The following ADGRL3 variants were observed in gnomAD, a reference collection of about 807,000 sequenced individuals.
The protein encoded by ADGRL3 is calcium-independent alpha-latrotoxin receptor 3.
ADGRL3 carries 62 observed loss-of-function variants against 153.5 expected under a neutral mutation model. The observed-to-expected ratio is 0.40, with a 90% CI of 0.33 to 0.50. ADGRL3 has a LOEUF of 0.50. Ranked by LOEUF, ADGRL3 falls within the 20% of genes least tolerant of loss-of-function variation. The probability of loss-of-function intolerance (pLI) is 0.47; values close to 1 mark genes in which losing one functional copy is unlikely to be tolerated. For missense variants in ADGRL3, 1,641 were observed against 1,859.4 expected, an observed-to-expected ratio of 0.88 and a Z score of 2.16; for synonymous variants, 710 against 672.5, an observed-to-expected ratio of 1.06 and a Z score of -0.86.
chr4:61,594,240 A>G (rs1374102334), intron 5 of ADGRL3, among the ~76,000 whole-genome samples: 1 of 152,144 alleles, frequency 6.6e-6, no homozygotes, highest in Admixed American at 6.6e-5. Flanking sequence ...GTTTCCTCAA[A>G]ACAGCTATTT....
intron 1 of ADGRL3, among the ~76,000 whole-genome samples, chr4:61,229,650 G>T (rs1361397409): frequency 6.6e-6 from 1 of 152,016 alleles, no homozygotes; most frequent in African/African-American, 2.4e-5. Context: ...GGGCATGGTG[G>T]CTTATGACTA....
intron 1 of ADGRL3, among the ~76,000 whole-genome samples, chr4:61,250,600 A>G (rs901631364): frequency 6.6e-6 from 1 of 152,206 alleles, no homozygotes; most frequent in Admixed American, 6.5e-5. Context: ...AGTTATTCAG[A>G]TGTGAACCAC....
chr4:61,639,281 G>A (rs2093562624), intron 5 of ADGRL3, among the ~76,000 whole-genome samples: 1 of 151,960 alleles, frequency 6.6e-6, no homozygotes, highest in Non-Finnish European at 1.5e-5. Flanking sequence ...AGTTTTTGAG[G>A]CCTTTGGTCT....
At chr4:61,290,233 T>G (rs2150134281) in intron 1 of ADGRL3, among the ~76,000 whole-genome samples, 1 of 152,196 alleles carries the variant, frequency 6.6e-6, no homozygotes, top group South Asian at 2.1e-4. Flanking sequence ...CCACAGCTTT[T>G]ATAATCTTTA....
At chr4:61,448,810 GGGAAGGAAGGAA>G (rs1354187900) in intron 2 of ADGRL3, among the ~76,000 whole-genome samples, 2 of 113,914 alleles carry the variant, frequency 1.8e-5, no homozygotes, top group African/African-American at 6.2e-5. Flanking sequence ...GAGGAAGGGA[GGGAAGGAAGGAA>G]GGAAGAAGGG....
At chr4:61,630,807 G>C (rs947532598) in intron 5 of ADGRL3, among the ~76,000 whole-genome samples, 5 of 152,210 alleles carry the variant, frequency 3.3e-5, no homozygotes, top group African/African-American at 1.2e-4. Context: ...GTAGTTCTCA[G>C]ATATGAGGTT....
intron 4 of ADGRL3, among the ~76,000 whole-genome samples, chr4:61,524,772 T>TAA (rs2098550211): frequency 6.6e-6 from 1 of 152,086 alleles, no homozygotes. Context: ...GACTTTCTGT[T>TAA]TTATAATAAT....
At chr4:61,500,462 A>G (rs370859083) in intron 3 of ADGRL3, among the ~76,000 whole-genome samples, 6 of 152,194 alleles carry the variant, frequency 3.9e-5, no homozygotes, top group African/African-American at 1.4e-4. Flanking sequence ...ATATAATAGG[A>G]TAGGAATTTT....
At chr4:61,321,900 G>A (rs2095364164) in intron 1 of ADGRL3, among the ~76,000 whole-genome samples, 2 of 152,110 alleles carry the variant, frequency 1.3e-5, no homozygotes, top group African/African-American at 2.4e-5. Context: ...GAAGGAGGTA[G>A]ATTAAATAGT....
At chr4:61,377,824 T>C (rs1308735996) in intron 1 of ADGRL3, among the ~76,000 whole-genome samples, 1 of 152,016 alleles carries the variant, frequency 6.6e-6, no homozygotes, top group African/African-American at 2.4e-5. Flanking sequence ...TAATGTAGGC[T>C]TTTAAAGCTA....
intron 21 of ADGRL3, among the ~76,000 whole-genome samples, chr4:62,001,959 T>G (rs184058711): frequency 6.6e-6 from 1 of 152,202 alleles, no homozygotes; most frequent in African/African-American, 2.4e-5. Flanking sequence ...AAGTATTTGT[T>G]GCTTTGATTA....
At chr4:61,205,535 T>A (rs1305254228) in intron 1 of ADGRL3, among the ~76,000 whole-genome samples, 2 of 152,238 alleles carry the variant, frequency 1.3e-5, no homozygotes, top group Non-Finnish European at 2.9e-5. Context: ...CCCTAAAGAA[T>A]ACAGCTGTAT....
intron 2 of ADGRL3, among the ~76,000 whole-genome samples, chr4:61,415,739 A>G (rs2097137540): frequency 6.6e-6 from 1 of 152,048 alleles, no homozygotes; most frequent in Non-Finnish European, 1.5e-5. Context: ...CATGAAAGAA[A>G]TGATCTTTAT....
At chr4:61,309,730 C>G (rs543592585) in intron 1 of ADGRL3, among the ~76,000 whole-genome samples, 2 of 152,122 alleles carry the variant, frequency 1.3e-5, no homozygotes, top group South Asian at 4.1e-4. Context: ...CCACTGCCTT[C>G]CACCCAAAAA....
At chr4:61,921,272 A>C (rs968255362) in intron 13 of ADGRL3, among the ~76,000 whole-genome samples, 11 of 152,016 alleles carry the variant, frequency 7.2e-5, no homozygotes, top group Admixed American at 5.9e-4. Flanking sequence ...TCTCCCTCCC[A>C]CTAGAACCTC....
intron 5 of ADGRL3, among the ~76,000 whole-genome samples, chr4:61,644,682 T>G (rs1030977994): frequency 6.6e-6 from 1 of 152,184 alleles, no homozygotes; most frequent in Non-Finnish European, 1.5e-5. Context: ...CTTTTACATT[T>G]GCTGAGAAGA....
intron 2 of ADGRL3, among the ~76,000 whole-genome samples, chr4:61,446,469 C>T (rs2097583658): frequency 6.6e-6 from 1 of 152,138 alleles, no homozygotes. Flanking sequence ...GTTCCAAGCT[C>T]TTGAGGGAGA....
intron 2 of ADGRL3, among the ~76,000 whole-genome samples, chr4:61,438,368 T>C (rs997076940): frequency 6.6e-6 from 1 of 151,252 alleles, no homozygotes; most frequent in African/African-American, 2.4e-5. Context: ...ATTTTTTATT[T>C]AATATTATTA....
At chr4:61,465,094 T>G (rs2097863506) in intron 2 of ADGRL3, among the ~76,000 whole-genome samples, 1 of 152,182 alleles carries the variant, frequency 6.6e-6, no homozygotes, top group African/African-American at 2.4e-5. Context: ...TAAGTGAATT[T>G]AAAATATTGT....
Sources: allele counts gnomAD v4.1 joint callset (sites outside exome capture counted in the v4.1 genomes callset), GRCh38; gene constraint gnomAD v4.1.1; transcripts MANE v1.5; gene names NCBI Gene and HGNC (gene_info 2026-07-23, HGNC 2026-07-21).